Variants in RAD51B observed in about 807,000 individuals in gnomAD.
RAD51B encodes RAD51 paralog B, also known as DNA repair protein RAD51 homolog 2.
RAD51B carries 38 observed loss-of-function variants against 42.2 expected under a neutral mutation model. The ratio of observed to expected loss-of-function variants is 0.90; its 90% confidence interval spans 0.70 to 1.18. The LOEUF (loss-of-function observed/expected upper bound fraction) is 1.18, where lower values mean the gene tolerates loss of function less well. RAD51B is among the 50% of genes most tolerant of loss of function. The probability of loss-of-function intolerance (pLI) is 0.00; values close to 1 mark genes in which losing one functional copy is unlikely to be tolerated. For missense variants in RAD51B, 373 were observed against 400.7 expected (o/e 0.93, Z 0.59); for synonymous variants, 154 against 145.2 (o/e 1.06, Z -0.43).
intron 7 of RAD51B, among the ~76,000 whole-genome samples, chr14:68,106,247 G>C (rs1289080919): frequency 6.6e-6 from 1 of 151,572 alleles, no homozygotes; most frequent in Non-Finnish European, 1.5e-5. Context: ...TATTTGTGGG[G>C]TTCTTTTTAT....
Position 68,449,773 on chromosome 14 carries a change from C to T in RAD51B, c.958-18399C>T, listed in dbSNP as rs555192759. Among the ~76,000 whole-genome samples the T allele has an allele frequency of 1.8e-4, 28 of 152,200 alleles. No individual in the cohort carries two copies. In the South Asian group the frequency reaches 4.4e-3, roughly 24 times the overall value. On this transcript the variant is annotated intron_variant, in intron 9 of 10. Transcript: ENST00000471583. The stretch of plus-strand genomic sequence containing the variant: ...TGGTGTCTCATTTCTCCTAGAGTCC[C>T]GGCTGACTCCCCTGGGGATGAATCT...
At chr14:68,609,347 C>T (rs533694336) in intron 10 of RAD51B, among the ~76,000 whole-genome samples, 1 of 152,234 alleles carries the variant, frequency 6.6e-6, no homozygotes, top group African/African-American at 2.4e-5. Context: ...GCCCCAGATC[C>T]CCACCTCTAC....
intron 7 of RAD51B, among the ~76,000 whole-genome samples, chr14:67,993,453 T>A (rs1431266785): frequency 6.6e-6 from 1 of 152,238 alleles, no homozygotes; most frequent in Non-Finnish European, 1.5e-5. Context: ...AGTTTGTATT[T>A]CTGCGTCTGG....
chr14:68,546,608 C>G (rs1468351227), intron 10 of RAD51B, among the ~76,000 whole-genome samples: 1 of 151,738 alleles, frequency 6.6e-6, no homozygotes, highest in African/African-American at 2.4e-5. Context: ...TAAACGAAGC[C>G]AACAAAGAGT....
chr14:68,485,346 G>A (rs534821971), intron 10 of RAD51B, among the ~76,000 whole-genome samples: 38 of 152,154 alleles, frequency 2.5e-4, no homozygotes, highest in Non-Finnish European at 3.8e-4. Context: ...AGTCACAGAG[G>A]TATAGGACTA....
intron 8 of RAD51B, among the ~76,000 whole-genome samples, chr14:68,363,520 GGGGGCCTCCTCATTGGAGTGTGCA>G (rs1012269615): frequency 4.1e-4 from 63 of 152,230 alleles, no homozygotes; most frequent in Admixed American, 3.0e-3. Flanking sequence ...TCTGAGTGAA[GGGGGCCTCCTCATTGGAGTGTGCA>G]GGGGCCTCCT....
intron 10 of RAD51B, chr14:68,563,850 T>G (rs1472958176): frequency 2.0e-6 from 2 of 985,356 alleles, no homozygotes; most frequent in Non-Finnish European, 2.4e-6. Context: ...CTCTTGAAGT[T>G]GGTTTCCGAT....
At chr14:68,162,928 A>G (rs1461293978) in intron 7 of RAD51B, among the ~76,000 whole-genome samples, 7 of 152,268 alleles carry the variant, frequency 4.6e-5, no homozygotes, top group African/African-American at 1.7e-4. Flanking sequence ...TGAAAGAATA[A>G]TGAAAGCAGA....
intron 8 of RAD51B, among the ~76,000 whole-genome samples, chr14:68,334,858 T>C (rs1595720613): frequency 6.8e-6 from 1 of 148,034 alleles, no homozygotes; most frequent in South Asian, 2.1e-4. Flanking sequence ...ATATATCATA[T>C]ATTTTATGAT....
chr14:67,820,108 G>C (rs1190476121), intron 1 of RAD51B, among the ~76,000 whole-genome samples: 1 of 152,156 alleles, frequency 6.6e-6, no homozygotes, highest in Non-Finnish European at 1.5e-5. Flanking sequence ...AGGGGATTCT[G>C]GGTGATGTTT....
At chr14:68,561,889 G>T in intron 10 of RAD51B, 1 of 900,210 alleles carries the variant, frequency 1.1e-6, no homozygotes, top group Non-Finnish European at 1.3e-6. Context: ...GAGGACAACA[G>T]TCTTCCATGC....
At chr14:68,549,409 A>ATTTTTTTTTTTTTTTTTTTTTT (rs71129897) in intron 10 of RAD51B, among the ~76,000 whole-genome samples, 14 of 63,568 alleles carry the variant, frequency 2.2e-4, no homozygotes, top group Admixed American at 4.5e-4. Context: ...CCCTGGACAC[A>ATTTTTTTTTTTTTTTTTTTTTT]TTTTTTTTTT....
In RAD51B at chr14:68,220,803, A is replaced by G. The variant is rs573859601; in HGVS notation, c.757-71081A>G. On this transcript the variant is annotated intron_variant, in intron 7 of 10. Coordinates refer to ENST00000471583, the MANE Select transcript of RAD51B (RefSeq NM_133510.4). ...ACATACACAAATCAGTAGCTCTGCT[A>G]TACACCAACAGCAGCCAAGCTGAGA... is the stretch of plus-strand genomic sequence containing the variant. 2.6e-5 allele frequency among the ~76,000 whole-genome samples: 4 copies of G among 152,336 alleles called. No homozygotes were observed. The South Asian group carries it at 8.3e-4, about 32-fold the overall frequency.
chr14:67,860,467 A>G (rs2042128881), intron 4 of RAD51B, among the ~76,000 whole-genome samples: 1 of 152,220 alleles, frequency 6.6e-6, no homozygotes, highest in South Asian at 2.1e-4. Context: ...GCATACATGT[A>G]TGCACTTGTT....
At chr14:67,920,579 A>G (rs558431194) in intron 7 of RAD51B, among the ~76,000 whole-genome samples, 5 of 152,318 alleles carry the variant, frequency 3.3e-5, no homozygotes, top group African/African-American at 1.2e-4. Context: ...GGTAATCTAA[A>G]TGCATATTAT....
intron 7 of RAD51B, among the ~76,000 whole-genome samples, chr14:68,244,250 T>C (rs2080449178): frequency 6.6e-6 from 1 of 152,142 alleles, no homozygotes; most frequent in Admixed American, 6.6e-5. Flanking sequence ...CTGATTTGGG[T>C]ACAATAAGAA....
chr14:68,674,299 C>T (rs770499109), intron 11 of RAD51B, among the ~76,000 whole-genome samples: 3 of 152,060 alleles, frequency 2.0e-5, no homozygotes, highest in African/African-American at 4.8e-5. Flanking sequence ...CATATACACA[C>T]GTGTTTTCCT....
At chr14:67,904,859 G>A (rs1309643121) in intron 7 of RAD51B, among the ~76,000 whole-genome samples, 1 of 150,156 alleles carries the variant, frequency 6.7e-6, no homozygotes, top group Admixed American at 6.6e-5. Context: ...TCTCCCTTTA[G>A]GTTATCTGTT....
intron 7 of RAD51B, among the ~76,000 whole-genome samples, chr14:68,012,733 T>C (rs1279144036): frequency 6.6e-6 from 1 of 152,168 alleles, no homozygotes; most frequent in African/African-American, 2.4e-5. Context: ...TCATAACTTT[T>C]TGTGGTGCTT....
Sources: gnomAD v4.1 joint callset for allele counts (sites outside exome capture counted in the v4.1 genomes callset) on GRCh38, gnomAD v4.1.1 for gene constraint, MANE v1.5 for transcripts, NCBI Gene and HGNC (gene_info 2026-07-23, HGNC 2026-07-21) for gene names.